The following KCNK12 variants were observed in gnomAD, a reference collection of about 807,000 sequenced individuals.
KCNK12 encodes the protein potassium two pore domain channel subfamily K member 12.
Under a neutral mutation model 25.3 loss-of-function variants are expected in KCNK12, and 6 were observed. That is an observed-to-expected ratio of 0.24 (90% CI 0.13 to 0.47). The LOEUF (loss-of-function observed/expected upper bound fraction) is 0.47, where lower values mean the gene tolerates loss of function less well. Among genes scored for constraint, KCNK12 ranks in the 20% least tolerant of loss-of-function variants. The pLI is 0.99. For synonymous variants in KCNK12, 331 were observed against 311.1 expected, an observed-to-expected ratio of 1.06 and a Z score of -0.67; for missense variants, 444 against 661.7, an observed-to-expected ratio of 0.67 and a Z score of 3.61.
chr2:47,524,838 G>T (rs1668735196), intron 1 of KCNK12, among the ~76,000 whole-genome samples: 1 of 152,184 alleles, frequency 6.6e-6, no homozygotes, highest in African/African-American at 2.4e-5. Flanking sequence ...AGGTGAGGGA[G>T]TAGGGGCTGA....
intron 1 of KCNK12, among the ~76,000 whole-genome samples, chr2:47,552,809 G>A (rs148744951): frequency 1.5e-4 from 23 of 152,050 alleles, no homozygotes; most frequent in East Asian, 9.7e-4. Flanking sequence ...CCAGGCCCAC[G>A]GTCAGCCCCT....
rs1241262103 is a variant in KCNK12 at position 47,512,491 on chromosome 2, T to C, written c.*8416A>G. ...TCATTTGTAATTCTACAAACATCCC[T>C]TCTGTAAACATTTCCCTCAAAATGG... On this transcript the variant is annotated 3_prime_UTR_variant, in exon 2 of 2. Transcript: ENST00000327876. 4.6e-6 allele frequency: 7 copies of C among 1,509,728 alleles called. No homozygotes were observed. In the East Asian group the frequency reaches 1.7e-4, roughly 36 times the overall value. The allele number at this position is 1,509,728 out of a possible 1,614,324, so 93.5% of individuals were successfully genotyped here.
At chr2:47,537,034 C>T (rs1669086630) in intron 1 of KCNK12, among the ~76,000 whole-genome samples, 1 of 152,198 alleles carries the variant, frequency 6.6e-6, no homozygotes, top group Non-Finnish European at 1.5e-5. Context: ...GGTCATAAGG[C>T]GGCCTTGCCT....
chr2:47,562,436 A>G lies in KCNK12; in HGVS notation c.391+7505T>C, dbSNP rs1669692997. 3.6e-6 allele frequency: 1 copy of G among 279,408 alleles called. No homozygotes were observed. 17.3% of individuals were successfully genotyped at this position (279,408 alleles called of 1,614,324 possible). ...ATTTTTCTAAGGGCCCAGGCACACCAGTTACCACTGACCTGCTAGTAAGCC... is the reference window on the plus strand; with the variant it reads ...ATTTTTCTAAGGGCCCAGGCACACCGGTTACCACTGACCTGCTAGTAAGCC... On this transcript the variant is annotated intron_variant, in intron 1 of 1. Coordinates refer to ENST00000327876, the MANE Select transcript of KCNK12 (RefSeq NM_022055.2). This position sits in a 1 kb window ranked among gnomAD's most constrained non-coding sequence, Gnocchi z 4.8.
chr2:47,561,069 C>G (rs1669659307), intron 1 of KCNK12, among the ~76,000 whole-genome samples: 1 of 152,176 alleles, frequency 6.6e-6, no homozygotes, highest in Non-Finnish European at 1.5e-5. Context: ...GACACTGGAC[C>G]CACCTCAGAG....
At position 47,555,745 on chromosome 2, in the gene KCNK12, G is replaced by C. The variant is rs1453067959; in HGVS notation, c.391+14196C>G. ...GGAAAAGCTTTTCCTCTACAGGTGAGAGATTGTTTGGAGACAGTCCAGAGT... is the reference window on the plus strand; with the variant it reads ...GGAAAAGCTTTTCCTCTACAGGTGACAGATTGTTTGGAGACAGTCCAGAGT... On this transcript the variant is annotated intron_variant, in intron 1 of 1. Transcript: ENST00000327876. This position sits in a 1 kb window ranked among gnomAD's most constrained non-coding sequence, Gnocchi z 4.5. The C allele has an allele frequency of 1.3e-5, 2 of 152,210 alleles. No individual in the cohort carries two copies. Among genetic ancestry groups the C allele is most frequent in the African/African-American group, 4.8e-5 (2 of 41,456 alleles). 9.4% of individuals were successfully genotyped at this position (152,210 alleles called of 1,614,324 possible).
Position 47,511,403 on chromosome 2 carries a change from C to T in KCNK12, c.*9504G>A, listed in dbSNP as rs1668399160. Among the ~76,000 whole-genome samples the T allele has an allele frequency of 6.6e-6, 1 of 152,206 alleles. No individual in the cohort carries two copies. Among genetic ancestry groups the T allele is most frequent in the South Asian group, 2.1e-4 (1 of 4,832 alleles). On this transcript the variant is annotated 3_prime_UTR_variant, in exon 2 of 2. Coordinates refer to ENST00000327876, the MANE Select transcript of KCNK12 (RefSeq NM_022055.2). The surrounding 1 kb of genome is among the most constrained non-coding windows in gnomAD (Gnocchi z 4.3). ...ATAAATATTTGTGTGCCTGCGCCTG[C>T]ATATATGTATTTGGACCAATGCTCT...
intron 1 of KCNK12, among the ~76,000 whole-genome samples, chr2:47,536,365 G>T (rs550644374): frequency 6.6e-6 from 1 of 152,298 alleles, no homozygotes; most frequent in East Asian, 1.9e-4. Context: ...TGCCAGTGAG[G>T]ACATGGCCCA....
At position 47,514,343 on chromosome 2, in the gene KCNK12, CCCGTCAGCCT is replaced by C. The variant is rs1454808267; in HGVS notation, c.*6554_*6563del. Among the ~76,000 whole-genome samples, 2 of 152,190 alleles carry C rather than the reference CCCGTCAGCCT, an allele frequency of 1.3e-5. No individual in the cohort carries two copies. The highest frequency in any genetic ancestry group is 2.9e-5 in the Non-Finnish European group (2 of 68,032). ...GCAGGCCGTACTGCAGCGCCCTGCC[CCCGTCAGCCT>C]CCAGGAGCCTGGAGTCCAGGGACAT... On this transcript the variant is annotated 3_prime_UTR_variant, in exon 2 of 2. Coordinates refer to ENST00000327876, the MANE Select transcript of KCNK12 (RefSeq NM_022055.2). The surrounding 1 kb of genome is among the most constrained non-coding windows in gnomAD (Gnocchi z 5.0).
chr2:47,554,205 C>T (rs2104860058), intron 1 of KCNK12, among the ~76,000 whole-genome samples: 1 of 152,276 alleles, frequency 6.6e-6, no homozygotes, highest in East Asian at 1.9e-4. Flanking sequence ...ACAAGAGAGA[C>T]AAGAACCCTG....
chr2:47,526,588 C>T (rs563647511), intron 1 of KCNK12, among the ~76,000 whole-genome samples: 5 of 151,980 alleles, frequency 3.3e-5, no homozygotes, highest in African/African-American at 9.7e-5. Context: ...CAAAAATTAG[C>T]CGGGCATAGT....
rs1668870041 is a variant in KCNK12 at position 47,529,420 on chromosome 2, G to A, written c.392-7612C>T. Among the ~76,000 whole-genome samples, 1 of 152,162 alleles carries A rather than the reference G, an allele frequency of 6.6e-6. No homozygotes were observed. Among genetic ancestry groups the A allele is most frequent in the African/African-American group, 2.4e-5 (1 of 41,422 alleles). On this transcript the variant is annotated intron_variant, in intron 1 of 1. Transcript: ENST00000327876. This position sits in a 1 kb window ranked among gnomAD's most constrained non-coding sequence, Gnocchi z 4.3. ...TTCCTTTAAGAAATAATGTTAATAA[G>A]GTATTCCAGATGACCCTATTGGTTG...
intron 1 of KCNK12, among the ~76,000 whole-genome samples, chr2:47,552,854 G>T (rs1333192715): frequency 6.6e-6 from 1 of 152,176 alleles, no homozygotes; most frequent in Non-Finnish European, 1.5e-5. Context: ...ATGATGTCAA[G>T]AAATGAGGGG....
rs1668865158 is a variant in KCNK12, at chr2:47,529,241, C to G, written c.392-7433G>C. 1 of 152,180 alleles carries G rather than the reference C, an allele frequency of 6.6e-6. No individual in the cohort carries two copies. Among genetic ancestry groups the G allele is most frequent in the Non-Finnish European group, 1.5e-5 (1 of 68,042 alleles). The allele number at this position is 152,180 out of a possible 1,614,324, so 9.4% of individuals were successfully genotyped here. On this transcript the variant is annotated intron_variant, in intron 1 of 1. Transcript: ENST00000327876. This position sits in a 1 kb window ranked among gnomAD's most constrained non-coding sequence, Gnocchi z 4.3. ...CAGCATGTATAAACCAGGGCTGTTCCAAGCAACTGGGACACATGATTAAAA... is the reference window on the plus strand; with the variant it reads ...CAGCATGTATAAACCAGGGCTGTTCGAAGCAACTGGGACACATGATTAAAA...
At chr2:47,546,111 G>A (rs528659046) in intron 1 of KCNK12, among the ~76,000 whole-genome samples, 77 of 152,304 alleles carry the variant, frequency 5.1e-4, no homozygotes, top group African/African-American at 1.8e-3. Context: ...AAAACTTCCA[G>A]TGGCTTCCTA....
rs990953771 is a variant in KCNK12 at position 47,519,303 on chromosome 2, G to A, written c.*1604C>T. The A allele has an allele frequency of 3.3e-5, 5 of 152,168 alleles. No individual in the cohort carries two copies. Among genetic ancestry groups the A allele is most frequent in the Non-Finnish European group, 5.9e-5 (4 of 68,048 alleles). 9.4% of individuals were successfully genotyped at this position (152,168 alleles called of 1,614,324 possible). A position where few individuals can be genotyped will look rare whatever the true frequency, so the allele number is the denominator to read the frequency against. ...ATGCTGGGTGCGTGAGCGCATGCGT[G>A]CATGTTTGTGTGTGTGTGTGTTCCA... On this transcript the variant is annotated 3_prime_UTR_variant, in exon 2 of 2. Coordinates refer to ENST00000327876, the MANE Select transcript of KCNK12 (RefSeq NM_022055.2).
rs1331928657 is a variant in KCNK12 at position 47,519,738 on chromosome 2, G to A, written c.*1169C>T. On this transcript the variant is annotated 3_prime_UTR_variant, in exon 2 of 2. Coordinates refer to ENST00000327876, the MANE Select transcript of KCNK12 (RefSeq NM_022055.2). ...GTGCATGGAGAAGACAAATCCTCTT[G>A]ATAAACAATATTTAGAAAGGGATTC... 5 of 152,168 alleles carry A rather than the reference G, an allele frequency of 3.3e-5. No homozygotes were observed. Among genetic ancestry groups the A allele is most frequent in the Non-Finnish European group, 7.3e-5 (5 of 68,030 alleles). 9.4% of individuals were successfully genotyped at this position (152,168 alleles called of 1,614,324 possible). A position where few individuals can be genotyped will look rare whatever the true frequency, so the allele number is the denominator to read the frequency against.
Position 47,521,615 on chromosome 2 carries a change from G to C in KCNK12, c.585C>G (p.Arg195=). ...CGGCCTCCGAGAGCGCGGAGCCGCG[G>C]CGGAAGGTGGCGGGCAGCAGGCCGC... ...RRSGLLPATF[R]RGSALSEADS... is the part of the protein sequence containing the mutation. Residue 195 remains arginine, a synonymous_variant, in exon 2 of 2, where the codon CGC becomes CGG. Transcript: ENST00000327876. 6.4e-7 allele frequency: 1 copy of C among 1,572,812 alleles called. No homozygotes were observed.
chr2:47,564,991 G>C (rs1013562436), intron 1 of KCNK12: 2 of 151,732 alleles, frequency 1.3e-5, no homozygotes, highest in African/African-American at 2.4e-5. Context: ...AATGTAGCGA[G>C]GCCCTGTCTC....
Sources: gnomAD v4.1 joint callset for allele counts (sites outside exome capture counted in the v4.1 genomes callset) on GRCh38, gnomAD v4.1.1 for gene constraint, Gnocchi (gnomAD v3.1) non-coding constraint, MANE v1.5 for transcripts, NCBI Gene and HGNC (gene_info 2026-07-23, HGNC 2026-07-21) for gene names.